GPD2: variants seen among roughly 807,000 people sequenced by gnomAD.
The protein encoded by GPD2 is glycerol-3-phosphate dehydrogenase 2.
Under a neutral mutation model 82.4 loss-of-function variants are expected in GPD2, and 54 were observed. That is an observed-to-expected ratio of 0.66 (90% CI 0.53 to 0.82). The LOEUF is 0.82. Ranked by LOEUF, GPD2 falls within the 40% of genes least tolerant of loss-of-function variation. GPD2 has a pLI of 0.00. For synonymous variants in GPD2, 288 were observed against 306.1 expected, an observed-to-expected ratio of 0.94 and a Z score of 0.62; for missense variants, 748 against 896.2, an observed-to-expected ratio of 0.83 and a Z score of 2.11.
intron 9 of GPD2, among the ~76,000 whole-genome samples, chr2:156,563,746 C>T (rs752466737): frequency 2.6e-5 from 4 of 152,094 alleles, no homozygotes; most frequent in Non-Finnish European, 4.4e-5. Flanking sequence ...GCAAGGTGGC[C>T]AGTAGAAATA....
chr2:156,570,015 TG>T, intron 11 of GPD2, 71 bp from the exon 12 acceptor site: 1 of 1,261,956 alleles, frequency 7.9e-7, no homozygotes, highest in Non-Finnish European at 1.2e-6. Context: ...GATAAGCATG[TG>T]TGCTTTTTGC....
chr2:156,425,089 A>ATTTTTTT, the GPD2 span, among the ~76,000 whole-genome samples: 2 of 148,790 alleles, frequency 1.3e-5, no homozygotes, highest in Non-Finnish European at 3.0e-5. Flanking sequence ...TATTCATTTT[A>ATTTTTTT]TTTTTTTTTT....
chr2:156,549,323 T>TA (rs1207604126), intron 6 of GPD2, among the ~76,000 whole-genome samples: 3 of 152,352 alleles, frequency 2.0e-5, no homozygotes, highest in African/African-American at 7.2e-5. Context: ...ACTGAGAGAA[T>TA]AATTACTTAT....
At chr2:156,423,981 C>T in the GPD2 span, among the ~76,000 whole-genome samples, 1 of 152,140 alleles carries the variant, frequency 6.6e-6, no homozygotes, top group South Asian at 2.1e-4. Flanking sequence ...GGTGGCTAAT[C>T]GAAAGGGTAT....
At chr2:156,443,119 AAT>A (rs1232146891) in intron 1 of GPD2, among the ~76,000 whole-genome samples, 1 of 152,086 alleles carries the variant, frequency 6.6e-6, no homozygotes, top group Non-Finnish European at 1.5e-5. Flanking sequence ...CACTTTTTGA[AAT>A]CCTAACAAAC....
At chr2:156,580,843 C>A (rs1207238695) in intron 16 of GPD2, among the ~76,000 whole-genome samples, 1 of 152,148 alleles carries the variant, frequency 6.6e-6, no homozygotes, top group Non-Finnish European at 1.5e-5. Flanking sequence ...TAACTAAATA[C>A]ACATTTTAAA....
chr2:156,432,787 G>C (rs1237923773), upstream of GPD2, among the ~76,000 whole-genome samples: 1 of 152,176 alleles, frequency 6.6e-6, no homozygotes, highest in African/African-American at 2.4e-5. Context: ...GTGGGAGAGT[G>C]GGAACTATAG....
chr2:156,567,923 G>A (rs1190509763), intron 9 of GPD2, among the ~76,000 whole-genome samples: 1 of 152,100 alleles, frequency 6.6e-6, no homozygotes, highest in African/African-American at 2.4e-5. Context: ...TATTTTCATG[G>A]CATCTTGAGT....
the GPD2 span, among the ~76,000 whole-genome samples, chr2:156,400,763 C>T: frequency 1.6e-4 from 25 of 152,306 alleles, no homozygotes; most frequent in Admixed American, 2.0e-4. Context: ...AATATGCTTT[C>T]GGCTGGGGGA....
Position 156,512,206 on chromosome 2 carries a change from GT to G in GPD2, c.400-10del. The G allele has an allele frequency of 7.4e-7, 1 of 1,342,632 alleles. No homozygotes were observed. The highest frequency in any genetic ancestry group is 1.1e-6 in the Non-Finnish European group (1 of 932,174). The allele number at this position is 1,342,632 out of a possible 1,614,324, so 83.2% of individuals were successfully genotyped here. The stretch of plus-strand genomic sequence containing the variant: ...TGTTACTGCCAAACTAATTTTCTCT[GT>G]TTTGCCTTTCAGTATAGGATGGTAA... On this transcript the variant is annotated splice_polypyrimidine_tract_variant and intron_variant, in intron 4 of 16. Transcript: ENST00000438166.
chr2:156,492,835 G>A, intron 2 of GPD2, among the ~76,000 whole-genome samples: 1 of 152,118 alleles, frequency 6.6e-6, no homozygotes, highest in South Asian at 2.1e-4. Context: ...TCTGGCACCA[G>A]CAACTACATT....
intron 6 of GPD2, among the ~76,000 whole-genome samples, chr2:156,514,120 A>G (rs1315202785): frequency 1.6e-5 from 2 of 127,374 alleles, no homozygotes; most frequent in African/African-American, 5.8e-5. Context: ...CATGTGTTCA[A>G]TGTTCATTCT....
intron 1 of GPD2, among the ~76,000 whole-genome samples, chr2:156,461,342 A>G (rs1043797430): frequency 1.3e-5 from 2 of 152,052 alleles, no homozygotes; most frequent in Non-Finnish European, 2.9e-5. Context: ...TTTCTGAAAT[A>G]TAAGTTTCAT....
the GPD2 span, among the ~76,000 whole-genome samples, chr2:156,424,257 G>A: frequency 6.6e-6 from 1 of 151,700 alleles, no homozygotes; most frequent in African/African-American, 2.4e-5. Context: ...ACTAAAAGCA[G>A]TTGTAAATGT....
chr2:156,583,030 T>TA lies in GPD2; in HGVS notation c.*114dup. On this transcript the variant is annotated 3_prime_UTR_variant, in exon 17 of 17. Transcript: ENST00000438166. Reference sequence around the variant, plus strand: ...AATGAATGTGGATAGCTGCCTTTTTTAACACTAGAAAACATTCCAAAACTT... The same window carrying TA: ...AATGAATGTGGATAGCTGCCTTTTTTAAACACTAGAAAACATTCCAAAACTT... The TA allele has an allele frequency of 8.5e-7, 1 of 1,173,526 alleles. No homozygotes were observed. 72.7% of individuals were successfully genotyped at this position (1,173,526 alleles called of 1,614,324 possible). A position where few individuals can be genotyped will look rare whatever the true frequency, so the allele number is the denominator to read the frequency against.
intron 1 of GPD2, among the ~76,000 whole-genome samples, chr2:156,470,518 A>T (rs1013803627): frequency 6.6e-6 from 1 of 152,206 alleles, no homozygotes; most frequent in Non-Finnish European, 1.5e-5. Flanking sequence ...ATTCTTACTT[A>T]TGCTAAATTT....
Position 156,541,366 on chromosome 2 carries a change from A to C in GPD2, c.662-8242A>C, listed in dbSNP as rs187982601. Among the ~76,000 whole-genome samples, 420 of 152,306 alleles carry C rather than the reference A, an allele frequency of 2.8e-3. 1 individual carries two copies. The highest frequency in any genetic ancestry group is 9.2e-3 in the African/African-American group (384 of 41,580). On this transcript the variant is annotated intron_variant, in intron 6 of 16. Coordinates refer to ENST00000438166, the MANE Select transcript of GPD2 (RefSeq NM_000408.5). Reference sequence around the variant, plus strand: ...GCTAGAAAATCAAAAGACTTTTGGGAGCATGTGACTCCTCCACATTAGGTA... The same window carrying C: ...GCTAGAAAATCAAAAGACTTTTGGGCGCATGTGACTCCTCCACATTAGGTA...
intron 1 of GPD2, among the ~76,000 whole-genome samples, chr2:156,460,809 A>T (rs1682962831): frequency 6.6e-6 from 1 of 152,172 alleles, no homozygotes; most frequent in African/African-American, 2.4e-5. Flanking sequence ...CAAGTATGTA[A>T]GTTCAGTACA....
At chr2:156,415,321 G>C in the GPD2 span, among the ~76,000 whole-genome samples, 2 of 151,812 alleles carry the variant, frequency 1.3e-5, no homozygotes, top group South Asian at 4.2e-4. Context: ...ACCACTCCCG[G>C]CTATTTTTTC....
Sources: allele counts gnomAD v4.1 joint callset (sites outside exome capture counted in the v4.1 genomes callset), GRCh38; gene constraint gnomAD v4.1.1; transcripts MANE v1.5; gene names NCBI Gene and HGNC (gene_info 2026-07-23, HGNC 2026-07-21).